Variants in TMEM132D observed in about 807,000 individuals in gnomAD.
TMEM132D encodes mature OL transmembrane protein.
Under a neutral mutation model 62.3 loss-of-function variants are expected in TMEM132D, and 21 were observed. The ratio of observed to expected loss-of-function variants is 0.34; its 90% CI spans 0.24 to 0.49. The LOEUF is 0.49. TMEM132D is among the 20% of genes least tolerant of loss of function. The pLI is 0.99. For missense variants in TMEM132D, 1,346 were observed against 1,402.8 expected (o/e 0.96, Z 0.65); for synonymous variants, 621 against 575.6 (o/e 1.08, Z -1.13).
At chr12:129,226,960 T>C (rs12370234) in intron 4 of TMEM132D, among the ~76,000 whole-genome samples, 29,272 of 152,142 alleles carry the variant, frequency 0.19, 2,996 homozygotes, top group Non-Finnish European at 0.22. Context: ...ACTGCTTCGT[T>C]TTGCATAACT....
At chr12:129,756,717 T>G (rs1346506498) in intron 1 of TMEM132D, among the ~76,000 whole-genome samples, 1 of 152,198 alleles carries the variant, frequency 6.6e-6, no homozygotes, top group Admixed American at 6.5e-5. Context: ...AAAATTACAA[T>G]TTTAAAAAGA....
At chr12:129,585,061 G>T (rs778790472) in intron 2 of TMEM132D, among the ~76,000 whole-genome samples, 4 of 152,056 alleles carry the variant, frequency 2.6e-5, no homozygotes, top group Non-Finnish European at 4.4e-5. Context: ...TTAAAGAAAT[G>T]GATACAAATA....
chr12:129,840,586 G>C (rs949317540), intron 1 of TMEM132D: 1 of 152,034 alleles, frequency 6.6e-6, no homozygotes, highest in African/African-American at 2.4e-5. Flanking sequence ...TTATGTCTCC[G>C]AGAAGGCACA....
chr12:129,871,408 T>C (rs1874237285), intron 1 of TMEM132D, among the ~76,000 whole-genome samples: 1 of 152,094 alleles, frequency 6.6e-6, no homozygotes, highest in South Asian at 2.1e-4. Flanking sequence ...GATGACATAT[T>C]TCACACTGTG....
At chr12:129,232,471 C>T (rs1879668546) in intron 4 of TMEM132D, among the ~76,000 whole-genome samples, 1 of 152,172 alleles carries the variant, frequency 6.6e-6, no homozygotes, top group East Asian at 1.9e-4. Context: ...ACCATGCTAG[C>T]TCTGCCTTGC....
intron 1 of TMEM132D, among the ~76,000 whole-genome samples, chr12:129,859,402 C>CT (rs1423484673): frequency 6.6e-6 from 1 of 152,182 alleles, no homozygotes; most frequent in Admixed American, 6.5e-5. Flanking sequence ...ACAGTGTTCT[C>CT]TTTTCTTTTC....
chr12:129,171,879 C>T (rs1877745819), intron 5 of TMEM132D, among the ~76,000 whole-genome samples: 1 of 152,094 alleles, frequency 6.6e-6, no homozygotes, highest in African/African-American at 2.4e-5. Context: ...CTCTTAAGGG[C>T]CCTAGGATTT....
chr12:129,213,750 T>C (rs1010870139), intron 4 of TMEM132D, among the ~76,000 whole-genome samples: 2 of 152,100 alleles, frequency 1.3e-5, no homozygotes, highest in Non-Finnish European at 2.9e-5. Flanking sequence ...CCACGCCCAC[T>C]GCCAACCAGA....
At chr12:129,152,891 G>A (rs1367184577) in intron 5 of TMEM132D, among the ~76,000 whole-genome samples, 1 of 152,156 alleles carries the variant, frequency 6.6e-6, no homozygotes, top group Non-Finnish European at 1.5e-5. Flanking sequence ...GGAGATGCCA[G>A]GGTATCTTTC....
intron 5 of TMEM132D, among the ~76,000 whole-genome samples, chr12:129,172,028 C>A (rs1161235306): frequency 6.6e-6 from 1 of 152,242 alleles, no homozygotes; most frequent in African/African-American, 2.4e-5. Flanking sequence ...TAGATGACAT[C>A]TTCTTTCCCT....
intron 3 of TMEM132D, among the ~76,000 whole-genome samples, chr12:129,389,610 A>C (rs1353528442): frequency 3.9e-5 from 6 of 152,256 alleles, no homozygotes; most frequent in South Asian, 2.1e-4. Context: ...AACTAATATT[A>C]ATATGAACAC....
chr12:129,806,965 T>C (rs1593169604), intron 1 of TMEM132D, among the ~76,000 whole-genome samples: 1 of 151,872 alleles, frequency 6.6e-6, no homozygotes, highest in African/African-American at 2.4e-5. Flanking sequence ...GCCTGGGAGG[T>C]GGGGGTTGCA....
chr12:129,190,195 G>A (rs1341799653), intron 5 of TMEM132D, among the ~76,000 whole-genome samples: 136 of 107,252 alleles, frequency 1.3e-3, no homozygotes, highest in Non-Finnish European at 1.8e-3. Flanking sequence ...CAGATGGAGG[G>A]AGGGAGTCTC....
intron 2 of TMEM132D, among the ~76,000 whole-genome samples, chr12:129,653,044 G>A (rs758774238): frequency 2.6e-5 from 4 of 152,194 alleles, no homozygotes; most frequent in Non-Finnish European, 5.9e-5. Context: ...ACCAGTGGAC[G>A]CATTTTAAGT....
intron 4 of TMEM132D, among the ~76,000 whole-genome samples, chr12:129,293,635 T>C (rs1305367899): frequency 6.6e-6 from 1 of 152,074 alleles, no homozygotes; most frequent in African/African-American, 2.4e-5. Context: ...CTGGGGGTGA[T>C]GGAGACAGTA....
intron 3 of TMEM132D, among the ~76,000 whole-genome samples, chr12:129,345,047 T>C (rs996465961): frequency 6.6e-6 from 1 of 152,150 alleles, no homozygotes; most frequent in Non-Finnish European, 1.5e-5. Context: ...AAAAAACTTC[T>C]TTCCTTTCTT....
At chr12:129,311,675 T>C (rs940460249) in intron 4 of TMEM132D, among the ~76,000 whole-genome samples, 1 of 152,132 alleles carries the variant, frequency 6.6e-6, no homozygotes, top group African/African-American at 2.4e-5. Context: ...AAGTTGGTGG[T>C]GGGGCGACAC....
chr12:129,595,885 T>C (rs2137138682), intron 2 of TMEM132D, among the ~76,000 whole-genome samples: 1 of 152,324 alleles, frequency 6.6e-6, no homozygotes, highest in East Asian at 1.9e-4. Context: ...GAAATGCTGA[T>C]TTTTATGCTG....
intron 3 of TMEM132D, among the ~76,000 whole-genome samples, chr12:129,433,401 C>T (rs1373397174): frequency 6.6e-6 from 1 of 152,144 alleles, no homozygotes; most frequent in African/African-American, 2.4e-5. Flanking sequence ...AGTAATTCCG[C>T]ACTCTCAATT....
Sources: allele counts gnomAD v4.1 joint callset (sites outside exome capture counted in the v4.1 genomes callset), GRCh38; gene constraint gnomAD v4.1.1; transcripts MANE v1.5; gene names NCBI Gene and HGNC (gene_info 2026-07-23, HGNC 2026-07-21).